TPRG1: variants seen among roughly 807,000 people sequenced by gnomAD.
TPRG1 encodes tumor protein p63-regulated gene 1 protein.
In TPRG1, 29 loss-of-function variants were observed where a neutral mutation model predicts 29.3. That is an observed-to-expected ratio of 0.99 (90% CI 0.74 to 1.35). TPRG1 has a LOEUF of 1.35. Ranked by LOEUF, TPRG1 falls within the 40% of genes most tolerant of loss-of-function variation. The pLI, the probability that TPRG1 is intolerant of heterozygous loss-of-function variation, is 0.00. For missense variants in TPRG1, 327 were observed against 335.0 expected, an observed-to-expected ratio of 0.98 and a Z score of 0.19; for synonymous variants, 130 against 116.8, an observed-to-expected ratio of 1.11 and a Z score of -0.73.
chr3:189,116,243 T>A (rs1261098286), intron 1 of TPRG1, among the ~76,000 whole-genome samples: 1 of 152,164 alleles, frequency 6.6e-6, no homozygotes, highest in East Asian at 1.9e-4. Flanking sequence ...AGTGGCGTGA[T>A]CTCGGCCTAC....
At position 189,280,523 on chromosome 3, in the gene TPRG1, C is replaced by T. The variant is rs148957312; in HGVS notation, c.480-29863C>T. ...TCCTACTTTATCTTGTATCTTTCCA[C>T]TCCTCTAAGCTGCAGCATTGAGACC... On this transcript the variant is annotated intron_variant, in intron 4 of 5. Transcript: ENST00000345063. Among the ~76,000 whole-genome samples the T allele has an allele frequency of 4.6e-3, 699 of 152,214 alleles. 2 individuals are homozygous for T. Among genetic ancestry groups the T allele is most frequent in the African/African-American group, 0.016 (659 of 41,526 alleles).
intron 4 of TPRG1, among the ~76,000 whole-genome samples, chr3:189,031,857 A>C (rs1713950521): frequency 6.6e-6 from 1 of 152,162 alleles, no homozygotes; most frequent in Admixed American, 6.6e-5. Context: ...AAAGTGTCTC[A>C]CCAAGGAAAG....
intron 2 of TPRG1, 130 bp downstream of exon 2, chr3:189,207,724 G>A (rs1369791985): frequency 8.4e-6 from 7 of 835,866 alleles, no homozygotes; most frequent in Non-Finnish European, 1.3e-5. Context: ...TAATCATGAA[G>A]TAGCTATCCT....
intron 4 of TPRG1, among the ~76,000 whole-genome samples, chr3:189,245,536 T>C (rs930164872): frequency 5.9e-5 from 9 of 152,144 alleles, no homozygotes; most frequent in Non-Finnish European, 1.2e-4. Flanking sequence ...TTATACTTAA[T>C]TCTAATTTAG....
intron 4 of TPRG1, among the ~76,000 whole-genome samples, chr3:189,092,126 G>C (rs920470347): frequency 6.6e-6 from 1 of 152,142 alleles, no homozygotes; most frequent in African/African-American, 2.4e-5. Context: ...TCAGTTCAGA[G>C]ATATCTATTT....
At chr3:189,270,610 A>G (rs1186235582) in intron 4 of TPRG1, among the ~76,000 whole-genome samples, 1 of 152,220 alleles carries the variant, frequency 6.6e-6, no homozygotes, top group Non-Finnish European at 1.5e-5. Flanking sequence ...ACTGTTTGTC[A>G]CTGGCCATGT....
chr3:189,079,438 C>A (rs1008430517), intron 4 of TPRG1, among the ~76,000 whole-genome samples: 2 of 152,166 alleles, frequency 1.3e-5, no homozygotes, highest in Non-Finnish European at 2.9e-5. Context: ...AGAATAGAGA[C>A]CATGGCTTCT....
Position 189,199,024 on chromosome 3 carries a change from A to G in TPRG1, c.-9-8352A>G, listed in dbSNP as rs1023790280. 9.2e-5 allele frequency among the ~76,000 whole-genome samples: 14 copies of G among 152,296 alleles called. No individual in the cohort carries two copies. In the East Asian group the frequency reaches 2.1e-3, roughly 23 times the overall value. ...AGAACTTTAAATTATTTCCTTCTTA[A>G]GTACAAGAATAGTTACTGAGGTTCG... On this transcript the variant is annotated intron_variant, in intron 1 of 5. Coordinates refer to ENST00000345063, the MANE Select transcript of TPRG1 (RefSeq NM_198485.4).
intron 1 of TPRG1, among the ~76,000 whole-genome samples, chr3:189,204,544 G>A (rs956608446): frequency 1.3e-5 from 2 of 152,180 alleles, no homozygotes; most frequent in African/African-American, 2.4e-5. Flanking sequence ...GAATTTAAAC[G>A]GAGCTGAGAG....
At chr3:189,106,097 T>G (rs2378466) in intron 1 of TPRG1, among the ~76,000 whole-genome samples, 65,612 of 152,016 alleles carry the variant, frequency 0.43, 19,163 homozygotes, top group African/African-American at 0.82. Context: ...AAGACACTGT[T>G]CTACCAGAAA....
intron 1 of TPRG1, among the ~76,000 whole-genome samples, chr3:189,121,007 A>G (rs1721765660): frequency 6.6e-6 from 1 of 152,224 alleles, no homozygotes; most frequent in African/African-American, 2.4e-5. Context: ...TTATTAGATG[A>G]CGCAGTACTA....
chr3:189,034,640 A>T (rs1714142788), intron 4 of TPRG1, among the ~76,000 whole-genome samples: 1 of 152,196 alleles, frequency 6.6e-6, no homozygotes, highest in African/African-American at 2.4e-5. Context: ...AAGCAAGGAC[A>T]TAAAAGTTGT....
In TPRG1 at chr3:189,156,689, A is replaced by G. The variant is rs939798468; in HGVS notation, c.-10+5817A>G. Among the ~76,000 whole-genome samples the G allele has an allele frequency of 2.6e-5, 4 of 152,346 alleles. No homozygotes were observed. In the South Asian group the frequency reaches 8.3e-4, roughly 32 times the overall value. On this transcript the variant is annotated intron_variant, in intron 5 of 6. Transcript: ENST00000412373. ...TGGTCAGATGAGTATGTCCACTGTC[A>G]TCATCCTTCCCCTAATTTTACACCC...
chr3:189,223,409 C>T (rs950860621), intron 3 of TPRG1, among the ~76,000 whole-genome samples: 2 of 152,176 alleles, frequency 1.3e-5, no homozygotes, highest in Admixed American at 6.5e-5. Flanking sequence ...ATCTCTCTTG[C>T]CAGAATCCAT....
At chr3:189,227,943 G>A (rs1422027952) in intron 3 of TPRG1, among the ~76,000 whole-genome samples, 4 of 152,170 alleles carry the variant, frequency 2.6e-5, no homozygotes, top group African/African-American at 9.7e-5. Flanking sequence ...ACAACATGGT[G>A]AAACCCCTTC....
intron 1 of TPRG1, among the ~76,000 whole-genome samples, chr3:189,125,454 C>T (rs532682433): frequency 6.8e-4 from 103 of 152,224 alleles, no homozygotes; most frequent in Middle Eastern, 6.8e-3. Flanking sequence ...CCTGTCAGAC[C>T]ATATGATCTT....
At chr3:189,183,302 A>G (rs147173730) in intron 1 of TPRG1, among the ~76,000 whole-genome samples, 161 of 152,314 alleles carry the variant, frequency 1.1e-3, no homozygotes, top group African/African-American at 3.6e-3. Context: ...GGTCACAGAG[A>G]TCACATACTT....
At chr3:189,202,969 T>C (rs1733740040) in intron 1 of TPRG1, among the ~76,000 whole-genome samples, 1 of 152,190 alleles carries the variant, frequency 6.6e-6, no homozygotes, top group Non-Finnish European at 1.5e-5. Context: ...AACAGCGAAC[T>C]GGAGTCCAGA....
At chr3:189,159,707 A>G (rs1228400097) in intron 5 of TPRG1, among the ~76,000 whole-genome samples, 1 of 152,108 alleles carries the variant, frequency 6.6e-6, no homozygotes, top group Non-Finnish European at 1.5e-5. Flanking sequence ...TGTTCTTAGT[A>G]TTAGGAGTGC....
Sources: allele counts gnomAD v4.1 joint callset (sites outside exome capture counted in the v4.1 genomes callset), GRCh38; gene constraint gnomAD v4.1.1; transcripts MANE v1.5; gene names NCBI Gene and HGNC (gene_info 2026-07-23, HGNC 2026-07-21).